Variants in ATAD2 observed in about 807,000 individuals in gnomAD.
ATAD2 encodes the protein ATPase family AAA domain-containing protein 2.
ATAD2 carries 62 observed loss-of-function variants against 168.9 expected under a neutral mutation model. That is an observed-to-expected ratio of 0.37 (90% CI 0.30 to 0.45). The LOEUF (loss-of-function observed/expected upper bound fraction) is 0.45, where lower values mean the gene tolerates loss of function less well. ATAD2 is among the 20% of genes least tolerant of loss of function. The pLI, the probability that ATAD2 is intolerant of heterozygous loss-of-function variation, is 1.00. For missense variants in ATAD2, 1,419 were observed against 1,667.8 expected, an observed-to-expected ratio of 0.85 and a Z score of 2.60; for synonymous variants, 613 against 571.6, an observed-to-expected ratio of 1.07 and a Z score of -1.03.
chr8:123,369,108 G>T lies in ATAD2; in HGVS notation c.999C>A (p.Tyr333Ter). 6.3e-7 allele frequency: 1 copy of T among 1,596,442 alleles called. No homozygotes were observed. Among genetic ancestry groups the T allele is most frequent in the Non-Finnish European group, 8.6e-7 (1 of 1,168,894 alleles). ...TTCTTGGTCCTGCGGAAGATAATCG[G>T]TATCTTGGTCTTGCAGGAGAAGCTG... ...SGPASPARPR[Y>*]RLSSAGPRSP... The change falls in exon 8 of 28, where the codon TAC becomes TAA. Residue 333 changes from tyrosine to a stop codon, truncating the protein, a stop_gained. Coordinates refer to ENST00000287394, the MANE Select transcript of ATAD2 (RefSeq NM_014109.4). LOFTEE classifies it high-confidence loss of function.
At chr8:123,345,245 T>C (rs1230992728) in intron 18 of ATAD2, among the ~76,000 whole-genome samples, 176 bp from the exon 19 acceptor site, 3 of 152,206 alleles carry the variant, frequency 2.0e-5, no homozygotes, top group Admixed American at 1.3e-4. Flanking sequence ...AAAGTTTCAT[T>C]TTTTTGGAAA....
At chr8:123,356,616 T>C (rs1828653595) in intron 12 of ATAD2, 139 bp from the exon 13 acceptor site, 1 of 417,636 alleles carries the variant, frequency 2.4e-6, no homozygotes, top group East Asian at 4.4e-5. Flanking sequence ...TTTGAATCGG[T>C]TTTTCTTCAA....
At chr8:123,381,917 G>A (rs887585963) in intron 1 of ATAD2, among the ~76,000 whole-genome samples, 4 of 152,004 alleles carry the variant, frequency 2.6e-5, no homozygotes, top group Non-Finnish European at 4.4e-5. Context: ...CTGGTGGTGC[G>A]TGCATGTAAT....
Position 123,371,963 on chromosome 8 carries a change from T to G in ATAD2, c.371-128A>C, listed in dbSNP as rs561261587. ...AAAATTACAGTATCTTAAACTTAGC[T>G]TTCTTAAAAACATCAGAAAACAAAA... On this transcript the variant is annotated intron_variant, in intron 3 of 27. Transcript: ENST00000287394. 1.3e-5 allele frequency: 13 copies of G among 1,010,182 alleles called. No homozygotes were observed. In the South Asian group the frequency reaches 2.7e-4, roughly 21 times the overall value. 62.6% of individuals were successfully genotyped at this position (1,010,182 alleles called of 1,614,324 possible).
At chr8:123,383,384 A>C (rs961095674) in intron 1 of ATAD2, among the ~76,000 whole-genome samples, 1 of 152,198 alleles carries the variant, frequency 6.6e-6, no homozygotes, top group African/African-American at 2.4e-5. Flanking sequence ...AAAAAGTTCT[A>C]TCTCTCACCC....
intron 1 of ATAD2, among the ~76,000 whole-genome samples, chr8:123,384,563 G>C (rs1342678333): frequency 6.6e-6 from 1 of 152,190 alleles, no homozygotes; most frequent in African/African-American, 2.4e-5. Flanking sequence ...TTGCAGTGCA[G>C]TGCCTCCCCA....
Position 123,372,445 on chromosome 8 carries a change from G to C in ATAD2, c.370+192C>G, listed in dbSNP as rs191639605. Among the ~76,000 whole-genome samples, 4 of 152,162 alleles carry C rather than the reference G, an allele frequency of 2.6e-5. No homozygotes were observed. In the East Asian group the frequency reaches 7.7e-4, roughly 29 times the overall value. On this transcript the variant is annotated intron_variant, in intron 3 of 27. Transcript: ENST00000287394. ...CCAGGAGGAATTATAAAACGGCCCG[G>C]GGAAGTTTTTGGGGGTAATAATTAC...
Position 123,396,317 on chromosome 8 carries a change from G to A in ATAD2, c.41C>T (p.Ser14Phe). The change falls in exon 1 of 28, where the codon TCC becomes TTC. Residue 14 changes from serine (S) to phenylalanine (F), a missense_variant. Physicochemically the swap from Ser to Phe is radical, Grantham distance 155 (BLOSUM62 -2). Transcript: ENST00000287394. ...CAAGGAGCCCGTGGCCGAGGCCGCG[G>A]AGTGGTTGTGCAGCTCCAAGCTGCT... Reference protein sequence around the residue: ...LRSSLELHNHSAASATGSLDL... With the variant: ...LRSSLELHNHFAASATGSLDL... 2 of 1,608,410 alleles carry A rather than the reference G, an allele frequency of 1.2e-6. No individual in the cohort carries two copies. The highest frequency in any genetic ancestry group is 1.7e-6 in the Non-Finnish European group (2 of 1,178,416).
chr8:123,391,508 A>T (rs1829825787), intron 1 of ATAD2, among the ~76,000 whole-genome samples: 1 of 150,356 alleles, frequency 6.7e-6, no homozygotes. Flanking sequence ...AAAAAAAAAA[A>T]AAAGGTCAGC....
chr8:123,349,776 C>T (rs140479390), intron 13 of ATAD2, among the ~76,000 whole-genome samples: 23 of 151,854 alleles, frequency 1.5e-4, no homozygotes, highest in African/African-American at 5.6e-4. Context: ...TGGTGGCTCA[C>T]GCCTGTAACC....
chr8:123,339,336 C>T lies in ATAD2; in HGVS notation c.2829G>A (p.Lys943=). The part of the protein sequence containing the change: ...FEDLILKQAA[K]PPISKKKAVL... ...CTGCTTTCTTTTTTGATATAGGAGG[C>T]TTAGCAGCTTGTTTTAGAATTAAAT... Residue 943 remains lysine, a synonymous_variant, in exon 20 of 28, where the codon AAG becomes AAA. Transcript: ENST00000287394. 3 of 1,591,614 alleles carry T rather than the reference C, an allele frequency of 1.9e-6. No individual in the cohort carries two copies. The highest frequency in any genetic ancestry group is 2.6e-6 in the Non-Finnish European group (3 of 1,166,128).
chr8:123,371,454 A>C, intron 4 of ATAD2, 116 bp from the exon 5 acceptor site: 1 of 876,818 alleles, frequency 1.1e-6, no homozygotes, highest in South Asian at 2.1e-5. Context: ...TATTTTTATA[A>C]GAAGCATTGA....
intron 22 of ATAD2, among the ~76,000 whole-genome samples, chr8:123,336,086 A>T (rs1210235257): frequency 1.3e-5 from 2 of 152,148 alleles, no homozygotes; most frequent in Non-Finnish European, 2.9e-5. Flanking sequence ...TATACAAGCC[A>T]TTTTGTGTCT....
chr8:123,390,934 T>G (rs1331307032), intron 1 of ATAD2, among the ~76,000 whole-genome samples: 1 of 152,038 alleles, frequency 6.6e-6, no homozygotes, highest in Non-Finnish European at 1.5e-5. Flanking sequence ...GCAGGAGAAT[T>G]GCTTGAATCC....
At chr8:123,376,766 G>A (rs983867183) in intron 2 of ATAD2, among the ~76,000 whole-genome samples, 9 of 151,494 alleles carry the variant, frequency 5.9e-5, no homozygotes, top group African/African-American at 2.2e-4. Flanking sequence ...AGACAAGCCT[G>A]GGTAACATGG....
In ATAD2 at chr8:123,339,292, C is replaced by T. The variant is rs373404065; in HGVS notation, c.2854+19G>A. 1.3e-6 allele frequency: 2 copies of T among 1,499,018 alleles called. No individual in the cohort carries two copies. The highest frequency in any genetic ancestry group is 1.8e-6 in the Non-Finnish European group (2 of 1,107,038). The allele number at this position is 1,499,018 out of a possible 1,614,324, so 92.9% of individuals were successfully genotyped here. On this transcript the variant is annotated intron_variant, in intron 20 of 27. Coordinates refer to ENST00000287394, the MANE Select transcript of ATAD2 (RefSeq NM_014109.4). ...CTTTCTCAAAATTATTAAATATTAACTTTGATATAGAAACTAACCTGCTTT... is the reference window on the plus strand; with the variant it reads ...CTTTCTCAAAATTATTAAATATTAATTTTGATATAGAAACTAACCTGCTTT...
chr8:123,329,981 C>CTT (rs71310666), intron 24 of ATAD2, among the ~76,000 whole-genome samples: 39 of 100,318 alleles, frequency 3.9e-4, no homozygotes, highest in African/African-American at 1.3e-3. Flanking sequence ...CCAGTGGCTT[C>CTT]TTTTTTTTTT....
intron 24 of ATAD2, among the ~76,000 whole-genome samples, chr8:123,330,583 C>T (rs923612482): frequency 5.9e-5 from 9 of 151,836 alleles, no homozygotes; most frequent in African/African-American, 1.7e-4. Context: ...AGGATGGTCT[C>T]GATCACATGA....
intron 1 of ATAD2, among the ~76,000 whole-genome samples, chr8:123,410,001 A>C (rs1290365829): frequency 6.6e-6 from 1 of 151,690 alleles, no homozygotes; most frequent in Non-Finnish European, 1.5e-5. Flanking sequence ...TTTAAAAAAA[A>C]CCTTTTGTTA....
Sources: allele counts gnomAD v4.1 joint callset (sites outside exome capture counted in the v4.1 genomes callset), GRCh38; gene constraint gnomAD v4.1.1; transcripts MANE v1.5; gene names NCBI Gene and HGNC (gene_info 2026-07-23, HGNC 2026-07-21).